The following AREL1 variants were observed in gnomAD, a reference collection of about 807,000 sequenced individuals.
AREL1 encodes apoptosis resistant E3 ubiquitin protein ligase 1.
AREL1 carries 62 observed loss-of-function variants against 99.0 expected under a neutral mutation model. The ratio of observed to expected loss-of-function variants is 0.63; its 90% CI spans 0.51 to 0.77. The LOEUF is 0.77. AREL1 is among the 30% of genes least tolerant of loss of function. The probability of loss-of-function intolerance (pLI) is 0.00; values close to 1 mark genes in which losing one functional copy is unlikely to be tolerated. For synonymous variants in AREL1, 380 were observed against 376.5 expected (o/e 1.01, Z -0.11); for missense variants, 879 against 1,027.6 (o/e 0.86, Z 1.98).
chr14:74,684,553 G>A lies in AREL1; in HGVS notation c.144C>T (p.Asp48=). The change falls in exon 4 of 20, where the codon GAC becomes GAT. Residue 48 remains aspartate, a synonymous_variant. Coordinates refer to ENST00000356357, the MANE Select transcript of AREL1 (RefSeq NM_001039479.2). The stretch of plus-strand genomic sequence containing the variant: ...GATCCAGGTAATTTCCCCGCACGTA[G>A]TCATAAATAGTCCGGTCCCCTCGGC... ...RERRGDRTIY[D]YVRGNYLDPR... 1 of 1,614,172 alleles carries A rather than the reference G, an allele frequency of 6.2e-7. No individual in the cohort carries two copies. The highest frequency in any genetic ancestry group is 8.5e-7 in the Non-Finnish European group (1 of 1,180,028).
At chr14:74,670,493 C>T (rs1216483704) in intron 13 of AREL1, 5 of 405,902 alleles carry the variant, frequency 1.2e-5, no homozygotes, top group Admixed American at 1.2e-4. Context: ...GAGAAAGAGG[C>T]TTAATTATTA....
intron 2 of AREL1, among the ~76,000 whole-genome samples, chr14:74,687,062 A>G (rs1037239130): frequency 1.3e-5 from 2 of 152,222 alleles, no homozygotes; most frequent in African/African-American, 4.8e-5. Flanking sequence ...GATGCACTAG[A>G]TGACTTGGTG....
At chr14:74,704,290 T>C (rs8004432) in intron 1 of AREL1, among the ~76,000 whole-genome samples, 152,323 of 152,326 alleles carry the variant, frequency 1, 76,160 homozygotes, top group Middle Eastern at 1. Flanking sequence ...GTTGAAGACA[T>C]ACGCCCAGGA....
chr14:74,683,389 A>T lies in AREL1; in HGVS notation c.388T>A (p.Phe130Ile). 6.2e-7 allele frequency: 1 copy of T among 1,614,172 alleles called. No homozygotes were observed. Among genetic ancestry groups the T allele is most frequent in the Non-Finnish European group, 8.5e-7 (1 of 1,180,022 alleles). ...TAACGCCCAGCCTTGCGCACAGTGA[A>T]GGCCACTTTTACTACGTTGGAATTG... ...EPNSNVVKVA[F>I]TVRKAGRYEI... Residue 130 changes from phenylalanine to isoleucine, a missense_variant, in exon 5 of 20, where the codon TTC becomes ATC. Physicochemically the swap from Phe to Ile is conservative, Grantham distance 21. Coordinates refer to ENST00000356357, the MANE Select transcript of AREL1 (RefSeq NM_001039479.2).
At chr14:74,668,497 T>C (rs2089257746) in intron 15 of AREL1, among the ~76,000 whole-genome samples, 1 of 152,166 alleles carries the variant, frequency 6.6e-6, no homozygotes, top group African/African-American at 2.4e-5. Context: ...CATTTCTATC[T>C]AGGAGACTGA....
intron 11 of AREL1, chr14:74,671,935 ATGGCTGAGAAAACGGGT>A (rs2089356157): frequency 2.2e-6 from 1 of 449,186 alleles, no homozygotes; most frequent in Admixed American, 2.4e-5. Flanking sequence ...CACGGAGAAT[ATGGCTGAGAAAACGGGT>A]TTCCAGTCAC....
At chr14:74,698,150 A>G (rs891418158) in intron 1 of AREL1, among the ~76,000 whole-genome samples, 4 of 152,206 alleles carry the variant, frequency 2.6e-5, no homozygotes, top group African/African-American at 9.6e-5. Flanking sequence ...CCCGGCACCA[A>G]GGAGTTAACA....
rs552045143 is a variant in AREL1, at chr14:74,703,418, A to G, written c.-334+9515T>C. On this transcript the variant is annotated intron_variant, in intron 1 of 19. Coordinates refer to ENST00000356357, the MANE Select transcript of AREL1 (RefSeq NM_001039479.2). The stretch of plus-strand genomic sequence containing the variant: ...CTCCCACTGGATCCCTCCCACAACA[A>G]TGGGAATTATGGGAGCTAAAATTCA... Among the ~76,000 whole-genome samples, 3 of 152,304 alleles carry G rather than the reference A, an allele frequency of 2.0e-5. No homozygotes were observed. In the South Asian group the frequency reaches 6.2e-4, roughly 32 times the overall value.
At chr14:74,668,826 T>C (rs560419369) in intron 15 of AREL1, among the ~76,000 whole-genome samples, 5 of 152,366 alleles carry the variant, frequency 3.3e-5, no homozygotes, top group East Asian at 1.9e-4. Flanking sequence ...ACAATGTAAA[T>C]AGAAGCACAT....
intron 11 of AREL1, chr14:74,672,075 A>C (rs1456681469): frequency 2.3e-6 from 1 of 428,520 alleles, no homozygotes; most frequent in African/African-American, 2.0e-5. Flanking sequence ...GACACACATC[A>C]GGTGTTCCTT....
chr14:74,688,940 A>T (rs1339354988), intron 2 of AREL1, among the ~76,000 whole-genome samples: 1 of 151,260 alleles, frequency 6.6e-6, no homozygotes, highest in Non-Finnish European at 1.5e-5. Flanking sequence ...AGGTTCAAGC[A>T]ATTCTCCTGC....
intron 1 of AREL1, among the ~76,000 whole-genome samples, chr14:74,694,111 G>GT (rs1019043961): frequency 2.0e-4 from 30 of 152,276 alleles, no homozygotes; most frequent in African/African-American, 7.0e-4. Context: ...GGAGGCAGAC[G>GT]TTGACGTGAG....
intron 17 of AREL1, among the ~76,000 whole-genome samples, chr14:74,666,480 A>G (rs1326638281): frequency 1.3e-5 from 2 of 152,206 alleles, no homozygotes; most frequent in African/African-American, 4.8e-5. Context: ...ATAAAAATAT[A>G]TACTATATAC....
intron 17 of AREL1, among the ~76,000 whole-genome samples, chr14:74,665,970 C>T (rs1277042686): frequency 6.6e-6 from 1 of 152,178 alleles, no homozygotes; most frequent in African/African-American, 2.4e-5. Context: ...AAATGCTTTG[C>T]TTCAAAATGT....
chr14:74,681,634 G>A (rs530920401), intron 5 of AREL1, among the ~76,000 whole-genome samples: 58 of 152,074 alleles, frequency 3.8e-4, no homozygotes, highest in Non-Finnish European at 6.6e-4. Context: ...TTAGCTGGGC[G>A]TGGTGGCACG....
In AREL1 at chr14:74,704,322, C is replaced by T. The variant is rs137859185; in HGVS notation, c.-334+8611G>A. Among the ~76,000 whole-genome samples the T allele has an allele frequency of 7.4e-3, 1,125 of 152,188 alleles. 8 individuals carry two copies. The highest frequency in any genetic ancestry group is 0.011 in the Admixed American group (166 of 15,272). On this transcript the variant is annotated intron_variant, in intron 1 of 19. Transcript: ENST00000356357. Reference sequence around the variant, plus strand: ...AGGACACGGCCTCATGAGGTCCTGACGACATGTGCCCAAGGTGGTTGGGGC... The same window carrying T: ...AGGACACGGCCTCATGAGGTCCTGATGACATGTGCCCAAGGTGGTTGGGGC...
chr14:74,693,764 G>T (rs143955856), intron 1 of AREL1, among the ~76,000 whole-genome samples: 2 of 152,296 alleles, frequency 1.3e-5, no homozygotes, highest in African/African-American at 4.8e-5. Context: ...TCCACTATGG[G>T]AAACCAAGGA....
At position 74,674,613 on chromosome 14, in the gene AREL1, T is replaced by A. The variant is rs1389422106; in HGVS notation, c.1081-502A>T. Among the ~76,000 whole-genome samples, 13 of 151,958 alleles carry A rather than the reference T, an allele frequency of 8.6e-5. No individual in the cohort carries two copies. In the South Asian group the frequency reaches 1.0e-3, roughly 12 times the overall value. On this transcript the variant is annotated intron_variant, in intron 8 of 19. Transcript: ENST00000356357. ...TGAGACCCTGTCTCAAAAAATAAAA[T>A]AAATAAAAAAAATATGACTGACAAT...
At chr14:74,688,396 T>G (rs772750295) in intron 2 of AREL1, among the ~76,000 whole-genome samples, 1 of 152,180 alleles carries the variant, frequency 6.6e-6, no homozygotes, top group Non-Finnish European at 1.5e-5. Context: ...CCAGTTATCA[T>G]GAAGCTGGCA....
Sources: allele counts gnomAD v4.1 joint callset (sites outside exome capture counted in the v4.1 genomes callset), GRCh38; gene constraint gnomAD v4.1.1; transcripts MANE v1.5; gene names NCBI Gene and HGNC (gene_info 2026-07-23, HGNC 2026-07-21).